MEF2A: variants seen among roughly 807,000 people sequenced by gnomAD.
MEF2A encodes the protein myocyte-specific enhancer factor 2A.
MEF2A carries 28 observed loss-of-function variants against 55.8 expected under a neutral mutation model. That is an observed-to-expected ratio of 0.50 (90% confidence interval 0.37 to 0.69). MEF2A has a LOEUF of 0.69. Ranked by LOEUF, MEF2A falls within the 30% of genes least tolerant of loss-of-function variation. MEF2A has a pLI of 0.00. For synonymous variants in MEF2A, 239 were observed against 227.1 expected, an observed-to-expected ratio of 1.05 and a Z score of -0.47; for missense variants, 528 against 626.2, an observed-to-expected ratio of 0.84 and a Z score of 1.67.
chr15:99,570,304 T>C (rs1178320712), intron 1 of MEF2A, among the ~76,000 whole-genome samples: 1 of 152,190 alleles, frequency 6.6e-6, no homozygotes, highest in African/African-American at 2.4e-5. Flanking sequence ...CATGTCTTTT[T>C]ATGGTTGTCT....
chr15:99,591,114 T>A (rs1969124731), intron 1 of MEF2A, among the ~76,000 whole-genome samples: 1 of 152,210 alleles, frequency 6.6e-6, no homozygotes, highest in South Asian at 2.1e-4. Flanking sequence ...TATTCTTAGC[T>A]GAGTCCATAG....
intron 2 of MEF2A, among the ~76,000 whole-genome samples, chr15:99,615,360 T>G (rs984548517): frequency 6.6e-6 from 1 of 152,200 alleles, no homozygotes; most frequent in African/African-American, 2.4e-5. Context: ...ATTTTTATAC[T>G]CATTATTTTA....
chr15:99,686,034 C>G (rs565764355), intron 7 of MEF2A, among the ~76,000 whole-genome samples: 5 of 151,998 alleles, frequency 3.3e-5, no homozygotes, highest in Admixed American at 2.6e-4. Flanking sequence ...CCTCATTTAA[C>G]CTAGGCGGGT....
intron 9 of MEF2A, among the ~76,000 whole-genome samples, chr15:99,704,687 G>A (rs953406468): frequency 6.6e-6 from 1 of 152,210 alleles, no homozygotes; most frequent in Non-Finnish European, 1.5e-5. Flanking sequence ...GCATGAAGAT[G>A]ATGCCATGGA....
intron 7 of MEF2A, among the ~76,000 whole-genome samples, chr15:99,683,622 T>TC (rs555442772): frequency 7.9e-4 from 119 of 150,900 alleles, no homozygotes; most frequent in African/African-American, 2.8e-3. Context: ...CAGGCTGGTC[T>TC]CCAACTCCTG....
chr15:99,712,279 T>C lies in MEF2A; in HGVS notation c.1137-111T>C. On this transcript the variant is annotated intron_variant, in intron 11 of 11. Transcript: ENST00000557942. This position sits in a 1 kb window ranked among gnomAD's most constrained non-coding sequence, Gnocchi z 4.1. The stretch of plus-strand genomic sequence containing the variant: ...CCAAACCAGTCTTGGGGAACTCTGA[T>C]AAGATTTCAGACTCTGGGCCCTTTT... The C allele has an allele frequency of 2.1e-6, 3 of 1,432,120 alleles. No individual in the cohort carries two copies. The highest frequency in any genetic ancestry group is 1.8e-6 in the Non-Finnish European group (2 of 1,095,314). 88.7% of individuals were successfully genotyped at this position (1,432,120 alleles called of 1,614,324 possible).
chr15:99,617,634 G>A (rs538370904), intron 2 of MEF2A, among the ~76,000 whole-genome samples: 155 of 152,302 alleles, frequency 1.0e-3, no homozygotes, highest in African/African-American at 3.7e-3. Context: ...CTCATATAAT[G>A]AGAAGTACAG....
At chr15:99,709,928 G>A (rs140476094) in intron 10 of MEF2A, among the ~76,000 whole-genome samples, 101 of 152,284 alleles carry the variant, frequency 6.6e-4, no homozygotes, top group African/African-American at 2.1e-3. Context: ...ACTGAGCTTG[G>A]CACCCCATGT....
intron 2 of MEF2A, among the ~76,000 whole-genome samples, chr15:99,621,341 G>T (rs1168708731): frequency 6.6e-6 from 1 of 151,854 alleles, no homozygotes; most frequent in African/African-American, 2.4e-5. Context: ...GATTGTGTTG[G>T]GATGAACATC....
chr15:99,640,863 G>A (rs2044773891), intron 3 of MEF2A, among the ~76,000 whole-genome samples: 1 of 151,976 alleles, frequency 6.6e-6, no homozygotes, highest in African/African-American at 2.4e-5. Flanking sequence ...TTTCTTGGAG[G>A]TCTGAAACTC....
At position 99,689,324 on chromosome 15, in the gene MEF2A, A is replaced by T. The variant is rs1311330197; in HGVS notation, c.671-917A>T. Among the ~76,000 whole-genome samples, 4 of 152,202 alleles carry T rather than the reference A, an allele frequency of 2.6e-5. 1 individual carries two copies. The highest frequency in any genetic ancestry group is 9.6e-5 in the African/African-American group (4 of 41,458). ...GAGTGCTGAATAAGCTGCAGTTAAG[A>T]AGCTGCTCTGATACCTAGTTCACTA... On this transcript the variant is annotated intron_variant, in intron 7 of 11. Coordinates refer to ENST00000557942, the MANE Select transcript of MEF2A (RefSeq NM_001319206.4).
intron 3 of MEF2A, among the ~76,000 whole-genome samples, chr15:99,639,563 A>G (rs1435979067): frequency 6.6e-6 from 1 of 152,198 alleles, no homozygotes; most frequent in East Asian, 1.9e-4. Context: ...CTCATTATAC[A>G]TGGGTAAAAG....
intron 4 of MEF2A, among the ~76,000 whole-genome samples, 156 bp from the exon 5 acceptor site, chr15:99,671,167 T>C (rs1280684026): frequency 6.6e-6 from 1 of 152,258 alleles, no homozygotes; most frequent in African/African-American, 2.4e-5. Flanking sequence ...GTTTATCTTA[T>C]TTGAAGAAGT....
chr15:99,569,835 G>A (rs753539816), intron 1 of MEF2A, among the ~76,000 whole-genome samples: 6 of 151,774 alleles, frequency 4.0e-5, no homozygotes, highest in Non-Finnish European at 8.8e-5. Flanking sequence ...CTTTGATTTG[G>A]TGTGAAATTA....
At chr15:99,583,235 C>G (rs548829133) in intron 1 of MEF2A, among the ~76,000 whole-genome samples, 9 of 152,230 alleles carry the variant, frequency 5.9e-5, no homozygotes, top group African/African-American at 2.2e-4. Flanking sequence ...GATTCTATTT[C>G]ATTTCTCTGA....
At chr15:99,614,186 C>T (rs2039793118) in intron 2 of MEF2A, among the ~76,000 whole-genome samples, 1 of 152,208 alleles carries the variant, frequency 6.6e-6, no homozygotes, top group Admixed American at 6.5e-5. Context: ...AGGTCTAACA[C>T]AGCTACTGAT....
In MEF2A at chr15:99,712,811, T is replaced by C; in HGVS notation, c.*40T>C. The C allele has an allele frequency of 6.5e-7, 1 of 1,537,756 alleles. No homozygotes were observed. The highest frequency in any genetic ancestry group is 1.2e-5 in the South Asian group (1 of 82,620). On this transcript the variant is annotated 3_prime_UTR_variant, in exon 12 of 12. Coordinates refer to ENST00000557942, the MANE Select transcript of MEF2A (RefSeq NM_001319206.4). This position sits in a 1 kb window ranked among gnomAD's most constrained non-coding sequence, Gnocchi z 4.1. ...TGTTTGTACTTTTGTGTTACTGCAG[T>C]GACCTGCCCTACATATCTAAATCGG...
intron 2 of MEF2A, among the ~76,000 whole-genome samples, chr15:99,631,583 T>G (rs2042949369): frequency 6.6e-6 from 1 of 152,288 alleles, no homozygotes; most frequent in South Asian, 2.1e-4. Flanking sequence ...TCATTTGCAT[T>G]ATGGTTTGAT....
At position 99,622,702 on chromosome 15, in the gene MEF2A, C is replaced by CTTTTTTTTTTTTT. The variant is rs56054040; in HGVS notation, c.-142-10265_-142-10264insTTTTTTTTTTTTT. On this transcript the variant is annotated intron_variant, in intron 2 of 11. Coordinates refer to ENST00000557942, the MANE Select transcript of MEF2A (RefSeq NM_001319206.4). ...ATCCTTCTTTAGGATGTTTTCTTTT[C>CTTTTTTTTTTTTT]TTTTTTTTTTTCTTTTTTGAGATGG... Among the ~76,000 whole-genome samples the CTTTTTTTTTTTTT allele has an allele frequency of 3.8e-3, 513 of 135,476 alleles. 5 individuals carry two copies. Among genetic ancestry groups the CTTTTTTTTTTTTT allele is most frequent in the Non-Finnish European group, 6.0e-3 (386 of 63,864 alleles). 88.9% of individuals were successfully genotyped at this position (135,476 alleles called of 152,430 possible).
Sources: allele counts gnomAD v4.1 joint callset (sites outside exome capture counted in the v4.1 genomes callset), GRCh38; gene constraint gnomAD v4.1.1; non-coding constraint Gnocchi (gnomAD v3.1); transcripts MANE v1.5; gene names NCBI Gene and HGNC (gene_info 2026-07-23, HGNC 2026-07-21).